Variants in UTRN observed in about 807,000 individuals in gnomAD.
The protein encoded by UTRN is dystrophin-related protein 1.
UTRN carries 283 observed loss-of-function variants against 463.9 expected under a neutral mutation model. That is an observed-to-expected ratio of 0.61 (90% CI 0.55 to 0.67). The LOEUF is 0.67. UTRN is among the 30% of genes least tolerant of loss of function. UTRN has a pLI of 0.00. For missense variants in UTRN, 3,922 were observed against 4,084.3 expected (o/e 0.96, Z 1.08); for synonymous variants, 1,442 against 1,431.5 (o/e 1.01, Z -0.17).
intron 63 of UTRN, among the ~76,000 whole-genome samples, chr6:144,796,946 T>C (rs1201314508): frequency 1.3e-5 from 2 of 152,214 alleles, no homozygotes; most frequent in African/African-American, 2.4e-5. Context: ...TGGTAGATAT[T>C]TAGCTTTGCA....
chr6:144,426,260 T>G, intron 6 of UTRN, 27 bp from the exon 7 acceptor site: 4 of 1,596,760 alleles, frequency 2.5e-6, no homozygotes, highest in Non-Finnish European at 3.4e-6. Flanking sequence ...GTATTAGTTA[T>G]GGACAGGCCT....
At chr6:144,761,847 G>C (rs928975036) in intron 58 of UTRN, among the ~76,000 whole-genome samples, 2 of 152,074 alleles carry the variant, frequency 1.3e-5, no homozygotes, top group African/African-American at 4.8e-5. Context: ...GGAATAAGAG[G>C]AATGAAAGCT....
intron 68 of UTRN, among the ~76,000 whole-genome samples, chr6:144,828,561 T>C (rs62427254): frequency 9.2e-5 from 14 of 152,142 alleles, no homozygotes; most frequent in Non-Finnish European, 1.9e-4. Context: ...TTAGGTCAGT[T>C]AGGAGACTTT....
At chr6:144,451,953 T>C (rs1355503926) in intron 18 of UTRN, among the ~76,000 whole-genome samples, 1 of 152,226 alleles carries the variant, frequency 6.6e-6, no homozygotes, top group East Asian at 1.9e-4. Flanking sequence ...ATCTTAGCCC[T>C]GCCGCTTTCC....
intron 23 of UTRN, among the ~76,000 whole-genome samples, chr6:144,464,211 G>A (rs1041384322): frequency 1.3e-5 from 2 of 152,134 alleles, no homozygotes; most frequent in African/African-American, 4.8e-5. Flanking sequence ...AAGAGGAGCT[G>A]GAAGACCTCA....
chr6:144,449,705 T>A (rs1788060919), intron 17 of UTRN, among the ~76,000 whole-genome samples: 1 of 152,150 alleles, frequency 6.6e-6, no homozygotes, highest in South Asian at 2.1e-4. Flanking sequence ...TATTCATAGT[T>A]CACCAGAAAC....
chr6:144,422,303 A>T (rs1443393820), intron 4 of UTRN, among the ~76,000 whole-genome samples: 9 of 152,222 alleles, frequency 5.9e-5, no homozygotes, highest in African/African-American at 2.2e-4. Flanking sequence ...AAACACATTT[A>T]AGAGTTAAAT....
chr6:144,721,963 G>A (rs1385130299), intron 53 of UTRN, among the ~76,000 whole-genome samples: 2 of 152,184 alleles, frequency 1.3e-5, no homozygotes, highest in South Asian at 2.1e-4. Flanking sequence ...TCAGATTAGG[G>A]ATGCTCAACC....
chr6:144,773,233 A>T (rs6921695), intron 59 of UTRN, among the ~76,000 whole-genome samples: 3,416 of 152,224 alleles, frequency 0.022, 128 homozygotes, highest in African/African-American at 0.078. Context: ...AACCAAATCA[A>T]TCAGGATGGG....
rs188120430 is a variant in UTRN, at chr6:144,451,171, A to G, written c.2073-199A>G. Among the ~76,000 whole-genome samples, 383 of 152,342 alleles carry G rather than the reference A, an allele frequency of 2.5e-3. 3 individuals are homozygous for G. The highest frequency in any genetic ancestry group is 0.02 in the Middle Eastern group (6 of 294). On this transcript the variant is annotated intron_variant, in intron 17 of 74. Transcript: ENST00000367545. ...TTTTCTTCAATTGTTTATTAACCCT[A>G]TAATATTATTACTCTTTTCATACTT... is the stretch of plus-strand genomic sequence containing the variant.
intron 53 of UTRN, among the ~76,000 whole-genome samples, chr6:144,718,640 T>C (rs1249599253): frequency 6.6e-6 from 1 of 152,210 alleles, no homozygotes; most frequent in Admixed American, 6.5e-5. Flanking sequence ...CTGTGTGGTA[T>C]GGACTGGACT....
chr6:144,811,734 A>G (rs1204080354), intron 65 of UTRN, among the ~76,000 whole-genome samples: 1 of 110,910 alleles, frequency 9.0e-6, no homozygotes, highest in African/African-American at 5.0e-5. Context: ...AGGTTGTTTT[A>G]TAGTTAAAAA....
At chr6:144,653,947 C>A (rs1425976089) in intron 51 of UTRN, among the ~76,000 whole-genome samples, 1 of 152,164 alleles carries the variant, frequency 6.6e-6, no homozygotes, top group Non-Finnish European at 1.5e-5. Flanking sequence ...ATGAAAGGTG[C>A]ATAATACATT....
chr6:144,570,079 G>T (rs955699194), intron 50 of UTRN, among the ~76,000 whole-genome samples: 1 of 152,140 alleles, frequency 6.6e-6, no homozygotes, highest in Non-Finnish European at 1.5e-5. Context: ...AAAGTTTGTG[G>T]TTATTTATGA....
chr6:144,696,960 A>G (rs9376842), intron 52 of UTRN, among the ~76,000 whole-genome samples: 55,091 of 151,988 alleles, frequency 0.36, 11,394 homozygotes, highest in East Asian at 0.88. Flanking sequence ...GTTTGTAGTT[A>G]CTTCCATAAT....
chr6:144,626,698 G>A (rs1370285265), intron 51 of UTRN, among the ~76,000 whole-genome samples: 4 of 152,082 alleles, frequency 2.6e-5, no homozygotes, highest in Admixed American at 1.3e-4. Context: ...GAGATGCAGT[G>A]GCACAATTTC....
In UTRN at chr6:144,359,720, G is replaced by GA. The variant is rs919001497; in HGVS notation, c.80-43403_80-43402insA. 3.0e-4 allele frequency among the ~76,000 whole-genome samples: 42 copies of GA among 139,112 alleles called. No individual in the cohort carries two copies. In the East Asian group the frequency reaches 7.6e-3, roughly 25 times the overall value. The allele number at this position is 139,112 out of a possible 152,430, so 91.3% of individuals were successfully genotyped here. A position where few individuals can be genotyped will look rare whatever the true frequency, so the allele number is the denominator to read the frequency against. On this transcript the variant is annotated intron_variant, in intron 2 of 74. Coordinates refer to ENST00000367545, the MANE Select transcript of UTRN (RefSeq NM_007124.3). ...TGGTAAAAACCTTTGTCTACGCATC[G>GA]TTTTTTTTTTTTTTCTTTTTTAGTT...
intron 2 of UTRN, among the ~76,000 whole-genome samples, chr6:144,340,698 C>T (rs377200985): frequency 1.3e-4 from 20 of 152,240 alleles, no homozygotes; most frequent in African/African-American, 3.9e-4. Flanking sequence ...AATAAGAAAG[C>T]GCATACCCTA....
intron 58 of UTRN, among the ~76,000 whole-genome samples, chr6:144,768,948 G>GTTTTTTTTTT (rs35525101): frequency 7.9e-6 from 1 of 126,030 alleles, no homozygotes; most frequent in Non-Finnish European, 1.6e-5. Context: ...TTTGTTTTTT[G>GTTTTTTTTTT]TTTTGTTTTG....
Sources: gnomAD v4.1 joint callset for allele counts (sites outside exome capture counted in the v4.1 genomes callset) on GRCh38, gnomAD v4.1.1 for gene constraint, MANE v1.5 for transcripts, NCBI Gene and HGNC (gene_info 2026-07-23, HGNC 2026-07-21) for gene names.